Variants in TGM7 observed in about 807,000 individuals in gnomAD.
The protein encoded by TGM7 is protein-glutamine gamma-glutamyltransferase Z.
TGM7 carries 74 observed loss-of-function variants against 79.5 expected under a neutral mutation model. That is an observed-to-expected ratio of 0.93 (90% CI 0.77 to 1.13). TGM7 has a LOEUF of 1.13. Ranked by LOEUF, TGM7 falls within the 50% of genes most tolerant of loss-of-function variation. TGM7 has a pLI of 0.00. For synonymous variants in TGM7, 354 were observed against 362.5 expected, an observed-to-expected ratio of 0.98 and a Z score of 0.27; for missense variants, 912 against 905.9, an observed-to-expected ratio of 1.01 and a Z score of -0.09.
chr15:43,285,616 G>C (rs1454318989), intron 6 of TGM7, among the ~76,000 whole-genome samples: 1 of 152,046 alleles, frequency 6.6e-6, no homozygotes, highest in African/African-American at 2.4e-5. Flanking sequence ...CAAGAGGTAG[G>C]GGGAGGTATG....
chr15:43,287,651 C>T lies in TGM7; in HGVS notation c.577G>A (p.Asp193Asn). Residue 193 changes from aspartate (D) to asparagine (N), a missense_variant, in exon 5 of 13, where the codon GAC becomes AAC. Physicochemically the swap from Asp to Asn is conservative, Grantham distance 23 (BLOSUM62 1). Coordinates refer to ENST00000452443, the MANE Select transcript of TGM7 (RefSeq NM_052955.3). ...TTGTTCAGGATCTCAAAGCAGATGT[C>T]TATGATGTCCTCTTCAAACTTCCAA... ...NYGQFEEDII[D>N]ICFEILNKSL... The T allele has an allele frequency of 6.2e-7, 1 of 1,611,488 alleles. No homozygotes were observed. The highest frequency in any genetic ancestry group is 8.5e-7 in the Non-Finnish European group (1 of 1,179,374).
Position 43,279,191 on chromosome 15 carries a change from C to G in TGM7, c.1765G>C (p.Glu589Gln), listed in dbSNP as rs780227602. Residue 589 changes from glutamate to glutamine, a missense_variant, in exon 11 of 13, where the codon GAG becomes CAG. Glu to Gln is a conservative substitution (Grantham distance 29). Coordinates refer to ENST00000452443, the MANE Select transcript of TGM7 (RefSeq NM_052955.3). ...EKLIRVSGIA[E>Q]VEETGRSMLV... Reference sequence around the variant, plus strand: ...ATGGACCTCCCTGTCTCTTCAACCTCCGCGATGCCAGACACGCGGATGAGC... The same window carrying G: ...ATGGACCTCCCTGTCTCTTCAACCTGCGCGATGCCAGACACGCGGATGAGC... 6.2e-7 allele frequency: 1 copy of G among 1,613,984 alleles called. No individual in the cohort carries two copies.
chr15:43,291,675 G>A lies in TGM7; in HGVS notation c.558+304C>T, dbSNP rs80343953. ...CCCGGTGTTGATGAAACAGACTCAT[G>A]ATACATTGATCACTACTGAAGCTGA... On this transcript the variant is annotated intron_variant, in intron 4 of 12. Transcript: ENST00000452443. Among the ~76,000 whole-genome samples the A allele has an allele frequency of 6.1e-3, 923 of 152,318 alleles. 9 individuals are homozygous for A. Among genetic ancestry groups the A allele is most frequent in the African/African-American group, 0.021 (888 of 41,556 alleles).
chr15:43,282,233 A>G (rs1265060635), intron 8 of TGM7, 147 bp from the exon 9 acceptor site: 2 of 1,233,792 alleles, frequency 1.6e-6, no homozygotes, highest in African/African-American at 3.0e-5. Flanking sequence ...CCATTAATTC[A>G]TCTGACCCTC....
At chr15:43,292,147 A>G (rs1304666094) in intron 3 of TGM7, 50 bp from the exon 4 acceptor site, 1 of 1,297,780 alleles carries the variant, frequency 7.7e-7, no homozygotes, top group Non-Finnish European at 1.1e-6. Context: ...CCAAAAAAAC[A>G]GAGTATTAAA....
Position 43,292,847 on chromosome 15 carries a change from G to A in TGM7, c.301C>T (p.Leu101Phe). ...ASDFTIDSNS[L>F]QVSLFTPANA... ...GCTGGTGTGAAAAGGGAAACTTGGA[G>A]AGAGTTGGAGTCAATGGTGAAATCA... The change falls in exon 3 of 13, where the codon CTC becomes TTC. Residue 101 changes from leucine to phenylalanine, a missense_variant. By Grantham distance (22) the Leu-to-Phe change is conservative (BLOSUM62 0). Coordinates refer to ENST00000452443, the MANE Select transcript of TGM7 (RefSeq NM_052955.3). The A allele has an allele frequency of 1.2e-6, 2 of 1,614,088 alleles. No individual in the cohort carries two copies. Among genetic ancestry groups the A allele is most frequent in the Non-Finnish European group, 1.7e-6 (2 of 1,180,046 alleles).
chr15:43,282,034 G>T lies in TGM7; in HGVS notation c.1161C>A (p.Val387=), dbSNP rs1009007198. 1.2e-6 allele frequency: 2 copies of T among 1,614,132 alleles called. No individual in the cohort carries two copies. The highest frequency in any genetic ancestry group is 1.7e-6 in the Non-Finnish European group (2 of 1,180,002). ...CAAAAGGGGTGTCATAGGCCAGGTGGACATCCCCTTCCCTGATGGCCTTCA... is the reference window on the plus strand; with the variant it reads ...CAAAAGGGGTGTCATAGGCCAGGTGTACATCCCCTTCCCTGATGGCCTTCA... The part of the protein sequence containing the change: ...ASVKAIREGD[V]HLAYDTPFVY... Residue 387 remains valine (V), a synonymous_variant, in exon 9 of 13, where the codon GTC becomes GTA. Coordinates refer to ENST00000452443, the MANE Select transcript of TGM7 (RefSeq NM_052955.3).
intron 6 of TGM7, 87 bp downstream of exon 6, chr15:43,287,193 G>C (rs2042939420): frequency 1.4e-6 from 2 of 1,479,806 alleles, no homozygotes; most frequent in Non-Finnish European, 1.8e-6. Context: ...TGGGGCCATG[G>C]GCAAGCTACT....
chr15:43,284,079 GTCCCATC>G (rs2042922799), intron 7 of TGM7, among the ~76,000 whole-genome samples: 1 of 152,174 alleles, frequency 6.6e-6, no homozygotes, highest in Non-Finnish European at 1.5e-5. Context: ...CGTGCCTGTA[GTCCCATC>G]TACTCGGGGG....
chr15:43,283,542 G>A (rs1215124448), intron 7 of TGM7, among the ~76,000 whole-genome samples: 2 of 152,002 alleles, frequency 1.3e-5, no homozygotes, highest in Non-Finnish European at 2.9e-5. Flanking sequence ...ATTACCTAGT[G>A]GTGAAGTCTG....
chr15:43,292,215 G>C, intron 3 of TGM7, 118 bp from the exon 4 acceptor site: 1 of 674,462 alleles, frequency 1.5e-6, no homozygotes, highest in Non-Finnish European at 2.6e-6. Flanking sequence ...TCGATGGGTT[G>C]ATAGCAACAG....
chr15:43,293,896 T>G (rs1409426136), intron 1 of TGM7, among the ~76,000 whole-genome samples: 11 of 4,798 alleles, frequency 2.3e-3, no homozygotes, highest in South Asian at 0.011. Context: ...TGGGGTGGGG[T>G]GTGCGGGGGG....
intron 1 of TGM7, 80 bp downstream of exon 1, chr15:43,302,161 T>C (rs942665746): frequency 1.3e-6 from 2 of 1,563,346 alleles, no homozygotes; most frequent in Non-Finnish European, 1.8e-6. Flanking sequence ...GTCGCTTCCC[T>C]ACATCCTCTA....
chr15:43,276,495 C>G lies in TGM7; in HGVS notation c.2093G>C (p.Gly698Ala), dbSNP rs778629801. The G allele has an allele frequency of 5.6e-6, 9 of 1,614,074 alleles. No individual in the cohort carries two copies. The highest frequency in any genetic ancestry group is 5.0e-5 in the Admixed American group (3 of 60,006). Residue 698 changes from glycine to alanine, a missense_variant, in exon 13 of 13, where the codon GGC becomes GCC. Coordinates refer to ENST00000452443, the MANE Select transcript of TGM7 (RefSeq NM_052955.3). ...CACAGTGACGAAGATGTCCTTGTAG[C>G]CTTTGATCTCCTTGACCTCGTTGCT... ...ISSNEVKEIKGYKDIFVTVAG... is the reference protein window; with the variant it reads ...ISSNEVKEIKAYKDIFVTVAG...
chr15:43,285,922 G>A (rs1348461890), intron 6 of TGM7, among the ~76,000 whole-genome samples: 2 of 152,126 alleles, frequency 1.3e-5, no homozygotes, highest in African/African-American at 4.8e-5. Flanking sequence ...AGAGCCAGGT[G>A]TGACCCTGAG....
At chr15:43,290,424 A>G (rs2042958044) in intron 4 of TGM7, among the ~76,000 whole-genome samples, 1 of 152,124 alleles carries the variant, frequency 6.6e-6, no homozygotes, top group African/African-American at 2.4e-5. Context: ...ATTGATCTAT[A>G]TCTCTGTTTT....
chr15:43,301,621 C>T (rs1231547458), intron 1 of TGM7, among the ~76,000 whole-genome samples: 3 of 134,110 alleles, frequency 2.2e-5, no homozygotes, highest in Non-Finnish European at 4.6e-5. Context: ...CAAAGGGAGA[C>T]TCCATCTCAA....
At chr15:43,301,354 G>A (rs983251965) in intron 1 of TGM7, among the ~76,000 whole-genome samples, 15 of 151,614 alleles carry the variant, frequency 9.9e-5, no homozygotes, top group Admixed American at 2.6e-4. Context: ...ACATGGCCGC[G>A]TGTGGTGGCT....
rs1400578351 is a variant in TGM7 at position 43,298,455 on chromosome 15, A to AT, written c.10+3785dup. 5.3e-5 allele frequency among the ~76,000 whole-genome samples: 8 copies of AT among 152,298 alleles called. No individual in the cohort carries two copies. The East Asian group carries it at 1.4e-3, about 26-fold the overall frequency. On this transcript the variant is annotated intron_variant, in intron 1 of 12. Transcript: ENST00000452443. ...TTCTGAGAGCAATTCATCAATATTTATTACAAAATAAAAGAAAACGGCCAG... is the reference window on the plus strand; with the variant it reads ...TTCTGAGAGCAATTCATCAATATTTATTTACAAAATAAAAGAAAACGGCCAG...
Sources: allele counts gnomAD v4.1 joint callset (sites outside exome capture counted in the v4.1 genomes callset), GRCh38; gene constraint gnomAD v4.1.1; transcripts MANE v1.5; gene names NCBI Gene and HGNC (gene_info 2026-07-23, HGNC 2026-07-21).